Variants in TSSK2 observed in about 807,000 individuals in gnomAD.
TSSK2 encodes testis specific serine kinase 2.
Under a neutral mutation model 14.2 loss-of-function variants are expected in TSSK2, and 5 were observed. The ratio of observed to expected loss-of-function variants is 0.35; its 90% confidence interval spans 0.18 to 0.74. The LOEUF (loss-of-function observed/expected upper bound fraction) is 0.74, where lower values mean the gene tolerates loss of function less well. Among genes scored for constraint, TSSK2 ranks in the 30% least tolerant of loss-of-function variants. TSSK2 has a pLI of 0.56. For synonymous variants in TSSK2, 209 were observed against 201.9 expected, an observed-to-expected ratio of 1.04 and a Z score of -0.30; for missense variants, 439 against 491.1, an observed-to-expected ratio of 0.89 and a Z score of 1.00.
rs765166836 is a variant in TSSK2 at position 19,131,704 on chromosome 22, T to A, written c.305T>A (p.Ile102Asn). 1.1e-5 allele frequency: 18 copies of A among 1,613,876 alleles called. 1 individual carries two copies. In the South Asian group the frequency reaches 1.9e-4, roughly 17 times the overall value. ...LGVQGDLLEF[I>N]KCQGALHEDV... ...GTCCAGGGCGACCTCCTCGAGTTCATCAAGTGCCAGGGAGCCCTGCATGAG... is the reference window on the plus strand; with the variant it reads ...GTCCAGGGCGACCTCCTCGAGTTCAACAAGTGCCAGGGAGCCCTGCATGAG... Residue 102 changes from isoleucine (I) to asparagine (N), a missense_variant, in exon 1 of 1, where the codon ATC becomes AAC. Transcript: ENST00000399635. This position sits in a 1 kb window ranked among gnomAD's most constrained non-coding sequence, Gnocchi z 5.7.
In TSSK2 at chr22:19,131,726, T is replaced by C; in HGVS notation, c.327T>C (p.His109=). ...LEFIKCQGAL[H]EDVARKMFRQ... is the part of the protein sequence containing the mutation. Reference sequence around the variant, plus strand: ...TCATCAAGTGCCAGGGAGCCCTGCATGAGGACGTGGCACGCAAGATGTTCC... The same window carrying C: ...TCATCAAGTGCCAGGGAGCCCTGCACGAGGACGTGGCACGCAAGATGTTCC... Residue 109 remains histidine (H), a synonymous_variant, in exon 1 of 1, where the codon CAT becomes CAC. Transcript: ENST00000399635. This position sits in a 1 kb window ranked among gnomAD's most constrained non-coding sequence, Gnocchi z 5.7. The C allele has an allele frequency of 1.2e-6, 2 of 1,614,072 alleles. No homozygotes were observed. The highest frequency in any genetic ancestry group is 2.2e-5 in the East Asian group (1 of 44,882).
At position 19,132,441 on chromosome 22, in the gene TSSK2, A is replaced by G. The variant is rs2083519475; in HGVS notation, c.1042A>G (p.Ile348Val). The change falls in exon 1 of 1, where the codon ATC becomes GTC. Residue 348 changes from isoleucine (I) to valine (V), a missense_variant. Physicochemically the swap from Ile to Val is conservative, Grantham distance 29 (BLOSUM62 3). Coordinates refer to ENST00000399635, the MANE Select transcript of TSSK2 (RefSeq NM_053006.5). The surrounding 1 kb of genome is among the most constrained non-coding windows in gnomAD (Gnocchi z 4.2). ...AETSRAKDHH[I>V]SGAEVGKAST ...GACCTCCAGGGCCAAAGACCATCACATCTCCGGAGCTGAGGTGGGGAAAGC... is the reference window on the plus strand; with the variant it reads ...GACCTCCAGGGCCAAAGACCATCACGTCTCCGGAGCTGAGGTGGGGAAAGC... The G allele has an allele frequency of 3.1e-6, 5 of 1,612,350 alleles. No individual in the cohort carries two copies. In the East Asian group the frequency reaches 8.9e-5, roughly 29 times the overall value.
In TSSK2 at chr22:19,131,459, G is replaced by A; in HGVS notation, c.60G>A (p.Lys20=). 1.2e-6 allele frequency: 2 copies of A among 1,614,078 alleles called. No individual in the cohort carries two copies. Among genetic ancestry groups the A allele is most frequent in the Non-Finnish European group, 1.7e-6 (2 of 1,180,004 alleles). The change falls in exon 1 of 1, where the codon AAG becomes AAA. Residue 20 remains lysine, a synonymous_variant. Coordinates refer to ENST00000399635, the MANE Select transcript of TSSK2 (RefSeq NM_053006.5). The surrounding 1 kb of genome is among the most constrained non-coding windows in gnomAD (Gnocchi z 5.7). ...KGYIVGINLG[K]GSYAKVKSAY... is the part of the protein sequence containing the mutation. ...ACATCGTAGGCATCAATCTTGGCAA[G>A]GGTTCCTACGCAAAAGTCAAATCTG... is the stretch of plus-strand genomic sequence containing the variant.
rs1415142513 is a variant in TSSK2 at position 19,132,224 on chromosome 22, C to A, written c.825C>A (p.Pro275=). Reference sequence around the variant, plus strand: ...TCAGCCACTCGTGGCTGCAGCCCCCCAAGCCCAAAGCCACGTCTTCTGCCT... The same window carrying A: ...TCAGCCACTCGTGGCTGCAGCCCCCAAAGCCCAAAGCCACGTCTTCTGCCT... ...EILSHSWLQP[P]KPKATSSASF... is the part of the protein sequence containing the mutation. The change falls in exon 1 of 1, where the codon CCC becomes CCA. Residue 275 remains proline, a synonymous_variant. Coordinates refer to ENST00000399635, the MANE Select transcript of TSSK2 (RefSeq NM_053006.5). This position sits in a 1 kb window ranked among gnomAD's most constrained non-coding sequence, Gnocchi z 4.2. 1 of 1,612,306 alleles carries A rather than the reference C, an allele frequency of 6.2e-7. No individual in the cohort carries two copies. Among genetic ancestry groups the A allele is most frequent in the African/African-American group, 1.3e-5 (1 of 74,900 alleles).
chr22:19,132,227 G>A lies in TSSK2; in HGVS notation c.828G>A (p.Lys276=), dbSNP rs551983510. ...GCCACTCGTGGCTGCAGCCCCCCAA[G>A]CCCAAAGCCACGTCTTCTGCCTCCT... The part of the protein sequence containing the change: ...ILSHSWLQPP[K]PKATSSASFK... The change falls in exon 1 of 1, where the codon AAG becomes AAA. Residue 276 remains lysine (K), a synonymous_variant. Coordinates refer to ENST00000399635, the MANE Select transcript of TSSK2 (RefSeq NM_053006.5). This position sits in a 1 kb window ranked among gnomAD's most constrained non-coding sequence, Gnocchi z 4.2. 2 of 1,612,390 alleles carry A rather than the reference G, an allele frequency of 1.2e-6. No homozygotes were observed. The highest frequency in any genetic ancestry group is 1.3e-5 in the African/African-American group (1 of 74,996).
In TSSK2 at chr22:19,132,094, G is replaced by A. The variant is rs747219768; in HGVS notation, c.695G>A (p.Arg232His). 3.7e-6 allele frequency: 6 copies of A among 1,613,142 alleles called. No individual in the cohort carries two copies. Among genetic ancestry groups the A allele is most frequent in the East Asian group, 2.2e-5 (1 of 44,868 alleles). ...ATGCTGCGTATCCAGAAGGAGCACC[G>A]TGTGGACTTCCCGCGCTCCAAGAAC... Reference protein sequence around the residue: ...RKMLRIQKEHRVDFPRSKNLT... With the variant: ...RKMLRIQKEHHVDFPRSKNLT... Residue 232 changes from arginine (R) to histidine (H), a missense_variant, in exon 1 of 1, where the codon CGT becomes CAT. Transcript: ENST00000399635. The surrounding 1 kb of genome is among the most constrained non-coding windows in gnomAD (Gnocchi z 4.2).
Position 19,132,208 on chromosome 22 carries a change from C to T in TSSK2, c.809C>T (p.Ser270Leu), listed in dbSNP as rs142728913. Residue 270 changes from serine to leucine, a missense_variant, in exon 1 of 1, where the codon TCG becomes TTG. Physicochemically the swap from Ser to Leu is moderately radical, Grantham distance 145. Coordinates refer to ENST00000399635, the MANE Select transcript of TSSK2 (RefSeq NM_053006.5). This position sits in a 1 kb window ranked among gnomAD's most constrained non-coding sequence, Gnocchi z 4.2. ...CACATCGATGAGATCCTCAGCCACT[C>T]GTGGCTGCAGCCCCCCAAGCCCAAA... ...RLHIDEILSH[S>L]WLQPPKPKAT... 691 of 1,612,438 alleles carry T rather than the reference C, an allele frequency of 4.3e-4. No homozygotes were observed. Among genetic ancestry groups the T allele is most frequent in the Non-Finnish European group, 5.4e-4 (638 of 1,178,800 alleles).
chr22:19,131,372 G>A lies in TSSK2; in HGVS notation c.-28G>A, dbSNP rs780418148. 8.4e-6 allele frequency: 13 copies of A among 1,552,108 alleles called. No homozygotes were observed. The highest frequency in any genetic ancestry group is 2.4e-5 in the South Asian group (2 of 82,092). On this transcript the variant is annotated 5_prime_UTR_variant, in exon 1 of 1. Transcript: ENST00000399635. This position sits in a 1 kb window ranked among gnomAD's most constrained non-coding sequence, Gnocchi z 5.7. The stretch of plus-strand genomic sequence containing the variant: ...GCCCACATGACGGGGGGATGTAGAC[G>A]GCAGCGGCGCCAGTCGCTCCTGGCA...
Position 19,131,568 on chromosome 22 carries a change from C to G in TSSK2, c.169C>G (p.Leu57Val), listed in dbSNP as rs1000322876. ...ACCTACTGACTTTGTGGAGAGATTC[C>G]TTCCTCGGGAGATGGACATCCTGGC... Reference protein sequence around the residue: ...KTPTDFVERFLPREMDILATV... With the variant: ...KTPTDFVERFVPREMDILATV... The change falls in exon 1 of 1, where the codon CTT (leucine) becomes GTT (valine). Residue 57 changes from leucine to valine, a missense_variant. Physicochemically the swap from Leu to Val is conservative, Grantham distance 32 (BLOSUM62 1). Transcript: ENST00000399635. This position sits in a 1 kb window ranked among gnomAD's most constrained non-coding sequence, Gnocchi z 5.7. The G allele has an allele frequency of 3.1e-6, 5 of 1,614,138 alleles. No homozygotes were observed. The highest frequency in any genetic ancestry group is 1.7e-5 in the Admixed American group (1 of 60,024).
chr22:19,131,966 C>T lies in TSSK2; in HGVS notation c.567C>T (p.Ser189=), dbSNP rs2083512523. Residue 189 remains serine (S), a synonymous_variant, in exon 1 of 1, where the codon AGC becomes AGT. Coordinates refer to ENST00000399635, the MANE Select transcript of TSSK2 (RefSeq NM_053006.5). The surrounding 1 kb of genome is among the most constrained non-coding windows in gnomAD (Gnocchi z 5.7). ...ATGCAGCCCCCGAGGTGCTGCAGAG[C>T]ATCCCCTACCAGCCCAAGGTGTATG... ...AAYAAPEVLQ[S]IPYQPKVYDI... 1.2e-6 allele frequency: 2 copies of T among 1,614,092 alleles called. No homozygotes were observed. The highest frequency in any genetic ancestry group is 1.7e-6 in the Non-Finnish European group (2 of 1,180,048).
rs754653100 is a variant in TSSK2 at position 19,132,514 on chromosome 22, G to T, written c.*38G>T. On this transcript the variant is annotated 3_prime_UTR_variant, in exon 1 of 1. Coordinates refer to ENST00000399635, the MANE Select transcript of TSSK2 (RefSeq NM_053006.5). The surrounding 1 kb of genome is among the most constrained non-coding windows in gnomAD (Gnocchi z 4.2). ...CCCGTTGTGTGTGGTGGGGGTCGGG[G>T]TTGGGGGGCATGGTGCAGTCGGCCT... 1 of 1,559,878 alleles carries T rather than the reference G, an allele frequency of 6.4e-7. No individual in the cohort carries two copies. The highest frequency in any genetic ancestry group is 2.3e-5 in the East Asian group (1 of 44,266).
Position 19,132,184 on chromosome 22 carries a change from A to G in TSSK2, c.785A>G (p.His262Arg). The G allele has an allele frequency of 6.2e-7, 1 of 1,613,120 alleles. No homozygotes were observed. The highest frequency in any genetic ancestry group is 8.5e-7 in the Non-Finnish European group (1 of 1,179,326). ...MLQPDVSQRL[H>R]IDEILSHSWL... ...CAGCCCGACGTCAGCCAGCGGCTCC[A>G]CATCGATGAGATCCTCAGCCACTCG... Residue 262 changes from histidine to arginine, a missense_variant, in exon 1 of 1, where the codon CAC (histidine) becomes CGC (arginine). Physicochemically the swap from His to Arg is conservative, Grantham distance 29. Transcript: ENST00000399635. The surrounding 1 kb of genome is among the most constrained non-coding windows in gnomAD (Gnocchi z 4.2).
At position 19,131,697 on chromosome 22, in the gene TSSK2, G is replaced by C; in HGVS notation, c.298G>C (p.Glu100Gln). The change falls in exon 1 of 1, where the codon GAG becomes CAG. Residue 100 changes from glutamate to glutamine, a missense_variant. Glu to Gln is a conservative substitution (Grantham distance 29). Coordinates refer to ENST00000399635, the MANE Select transcript of TSSK2 (RefSeq NM_053006.5). This position sits in a 1 kb window ranked among gnomAD's most constrained non-coding sequence, Gnocchi z 5.7. ...GCTTGGCGTCCAGGGCGACCTCCTC[G>C]AGTTCATCAAGTGCCAGGGAGCCCT... Reference protein sequence around the residue: ...MELGVQGDLLEFIKCQGALHE... With the variant: ...MELGVQGDLLQFIKCQGALHE... 1 of 1,613,992 alleles carries C rather than the reference G, an allele frequency of 6.2e-7. No homozygotes were observed.
rs145863577 is a variant in TSSK2, at chr22:19,131,883, C to G, written c.484C>G (p.Leu162Val). Residue 162 changes from leucine to valine, a missense_variant, in exon 1 of 1, where the codon CTG (leucine) becomes GTG (valine). Transcript: ENST00000399635. The surrounding 1 kb of genome is among the most constrained non-coding windows in gnomAD (Gnocchi z 5.7). Reference sequence around the variant, plus strand: ...TGACTTTGGCTTCTCCAAGCGCTGCCTGCGGGACAGCAATGGGCGCATCAT... The same window carrying G: ...TGACTTTGGCTTCTCCAAGCGCTGCGTGCGGGACAGCAATGGGCGCATCAT... ...LSDFGFSKRC[L>V]RDSNGRIILS... is the part of the protein sequence containing the mutation. 1 of 1,614,048 alleles carries G rather than the reference C, an allele frequency of 6.2e-7. No individual in the cohort carries two copies. The highest frequency in any genetic ancestry group is 8.5e-7 in the Non-Finnish European group (1 of 1,180,042).
In TSSK2 at chr22:19,131,778, T is replaced by C; in HGVS notation, c.379T>C (p.Cys127Arg). 6.2e-7 allele frequency: 1 copy of C among 1,614,166 alleles called. No homozygotes were observed. Among genetic ancestry groups the C allele is most frequent in the Non-Finnish European group, 8.5e-7 (1 of 1,180,032 alleles). ...FRQLSSAVKY[C>R]HDLDIVHRDL... ...ACAGCTCTCCTCCGCCGTCAAGTACTGCCACGACCTGGACATCGTCCACCG... is the reference window on the plus strand; with the variant it reads ...ACAGCTCTCCTCCGCCGTCAAGTACCGCCACGACCTGGACATCGTCCACCG... Residue 127 changes from cysteine (C) to arginine (R), a missense_variant, in exon 1 of 1, where the codon TGC becomes CGC. By Grantham distance (180) the Cys-to-Arg change is radical. Coordinates refer to ENST00000399635, the MANE Select transcript of TSSK2 (RefSeq NM_053006.5). The surrounding 1 kb of genome is among the most constrained non-coding windows in gnomAD (Gnocchi z 5.7).
In TSSK2 at chr22:19,132,315, AGGCCCGACCACC is replaced by A. The variant is rs762070638; in HGVS notation, c.928_939del (p.Arg310_His313del). 54 of 1,612,932 alleles carry A rather than the reference AGGCCCGACCACC, an allele frequency of 3.3e-5. No homozygotes were observed. In the African/African-American group the frequency reaches 4.0e-4, roughly 12 times the overall value. On this transcript the variant is annotated inframe_deletion, in exon 1 of 1. Coordinates refer to ENST00000399635, the MANE Select transcript of TSSK2 (RefSeq NM_053006.5). The surrounding 1 kb of genome is among the most constrained non-coding windows in gnomAD (Gnocchi z 4.2). The stretch of plus-strand genomic sequence containing the variant: ...CAAACTGGACACCAAGACAGGCTTG[AGGCCCGACCACC>A]GGCCCGACCACAAGCTTGGAGCCAA...
Position 19,131,847 on chromosome 22 carries a change from A to G in TSSK2, c.448A>G (p.Ile150Val). ...ENLLLDKDFN[I>V]KLSDFGFSKR... The stretch of plus-strand genomic sequence containing the variant: ...CCTTCTCCTCGACAAGGACTTCAAC[A>G]TCAAGCTGTCTGACTTTGGCTTCTC... The change falls in exon 1 of 1, where the codon ATC (isoleucine) becomes GTC (valine). Residue 150 changes from isoleucine (I) to valine (V), a missense_variant. By Grantham distance (29) the Ile-to-Val change is conservative. Coordinates refer to ENST00000399635, the MANE Select transcript of TSSK2 (RefSeq NM_053006.5). This position sits in a 1 kb window ranked among gnomAD's most constrained non-coding sequence, Gnocchi z 5.7. 6.2e-7 allele frequency: 1 copy of G among 1,614,066 alleles called. No individual in the cohort carries two copies. The highest frequency in any genetic ancestry group is 1.1e-5 in the South Asian group (1 of 91,078).
In TSSK2 at chr22:19,132,586, C is replaced by A; in HGVS notation, c.*110C>A. ...GTAGGATCTGAAGAAGGCACAGGTG[C>A]AAGTAAAATTCGTCAATTAAACCAC... On this transcript the variant is annotated 3_prime_UTR_variant, in exon 1 of 1. Coordinates refer to ENST00000399635, the MANE Select transcript of TSSK2 (RefSeq NM_053006.5). The surrounding 1 kb of genome is among the most constrained non-coding windows in gnomAD (Gnocchi z 4.2). 1 of 1,136,960 alleles carries A rather than the reference C, an allele frequency of 8.8e-7. No individual in the cohort carries two copies. The highest frequency in any genetic ancestry group is 1.3e-6 in the Non-Finnish European group (1 of 790,064). 70.4% of individuals were successfully genotyped at this position (1,136,960 alleles called of 1,614,324 possible).
chr22:19,131,752 G>A lies in TSSK2; in HGVS notation c.353G>A (p.Arg118Gln), dbSNP rs202160996. ...GAGGACGTGGCACGCAAGATGTTCC[G>A]ACAGCTCTCCTCCGCCGTCAAGTAC... ...LHEDVARKMF[R>Q]QLSSAVKYCH... Residue 118 changes from arginine to glutamine, a missense_variant, in exon 1 of 1, where the codon CGA becomes CAA. By Grantham distance (43) the Arg-to-Gln change is conservative. Transcript: ENST00000399635. The surrounding 1 kb of genome is among the most constrained non-coding windows in gnomAD (Gnocchi z 5.7). 2.0e-5 allele frequency: 33 copies of A among 1,614,112 alleles called. No individual in the cohort carries two copies. The highest frequency in any genetic ancestry group is 4.5e-5 in the East Asian group (2 of 44,880).
Sources: allele counts gnomAD v4.1 joint callset, GRCh38; gene constraint gnomAD v4.1.1; non-coding constraint Gnocchi (gnomAD v3.1); transcripts MANE v1.5; gene names NCBI Gene and HGNC (gene_info 2026-07-23, HGNC 2026-07-21).